EPHA5: variants seen among roughly 807,000 people sequenced by gnomAD.
EPHA5 encodes ephrin type-A receptor 5.
A neutral mutation model predicts 105.0 loss-of-function variants in EPHA5; 60 were observed. The observed-to-expected ratio is 0.57, with a 90% confidence interval of 0.46 to 0.71. The LOEUF (loss-of-function observed/expected upper bound fraction) is 0.71. EPHA5 is among the 30% of genes least tolerant of loss of function. EPHA5 has a pLI of 0.00. For missense variants in EPHA5, 1,218 were observed against 1,274.7 expected (o/e 0.96, Z 0.68); for synonymous variants, 513 against 449.1 (o/e 1.14, Z -1.80).
intron 3 of EPHA5, among the ~76,000 whole-genome samples, chr4:65,597,129 C>A (rs1341935028): frequency 6.6e-6 from 1 of 152,122 alleles, no homozygotes; most frequent in Admixed American, 6.6e-5. Flanking sequence ...TGACGTGTAA[C>A]CCTCCTTATC....
intron 8 of EPHA5, chr4:65,377,133 T>C: frequency 7.1e-7 from 1 of 1,406,850 alleles, no homozygotes; most frequent in Non-Finnish European, 9.6e-7. Context: ...ATAAAGACAC[T>C]ATGAATTTAC....
At chr4:65,576,000 G>GAC (rs565281266) in intron 3 of EPHA5, among the ~76,000 whole-genome samples, 1 of 29,732 alleles carries the variant, frequency 3.4e-5, no homozygotes, top group Non-Finnish European at 6.6e-5. Context: ...GAGAGAGAGA[G>GAC]AGAAAGAAAG....
At chr4:65,607,502 AC>A (rs1327825926) in intron 2 of EPHA5, among the ~76,000 whole-genome samples, 1 of 145,112 alleles carries the variant, frequency 6.9e-6, no homozygotes, top group Non-Finnish European at 1.5e-5. Flanking sequence ...AAAAAAAAAA[AC>A]ATCAAAAAGT....
chr4:65,373,697 A>T (rs927177876), intron 8 of EPHA5, among the ~76,000 whole-genome samples: 23 of 151,936 alleles, frequency 1.5e-4, no homozygotes, highest in Admixed American at 2.6e-4. Context: ...TTTTGAAATT[A>T]AAAAAGTCTT....
At chr4:65,324,540 T>C (rs1028651974) in intron 16 of EPHA5, among the ~76,000 whole-genome samples, 9 of 143,422 alleles carry the variant, frequency 6.3e-5, no homozygotes, top group East Asian at 2.2e-4. Context: ...TACAATTTCA[T>C]TGAAAAGTTT....
intron 3 of EPHA5, among the ~76,000 whole-genome samples, chr4:65,501,952 C>T (rs1732531624): frequency 6.6e-6 from 1 of 151,288 alleles, no homozygotes; most frequent in Admixed American, 6.6e-5. Context: ...AAACTGCACA[C>T]CTACAACCTT....
At chr4:65,391,812 C>T (rs188337263) in intron 8 of EPHA5, among the ~76,000 whole-genome samples, 16 of 152,230 alleles carry the variant, frequency 1.1e-4, no homozygotes, top group Admixed American at 1.0e-3. Context: ...TGTGGTTAGG[C>T]TTTTGACCTG....
intron 5 of EPHA5, among the ~76,000 whole-genome samples, chr4:65,488,749 T>C (rs1268497486): frequency 6.6e-6 from 1 of 152,240 alleles, no homozygotes; most frequent in African/African-American, 2.4e-5. Flanking sequence ...ATATTCAATG[T>C]GGCTAAGAAC....
intron 4 of EPHA5, among the ~76,000 whole-genome samples, chr4:65,492,099 T>A (rs1484556038): frequency 6.6e-6 from 1 of 152,166 alleles, no homozygotes; most frequent in Admixed American, 6.5e-5. Context: ...ATATCAAAAT[T>A]GACAATTTTT....
At chr4:65,431,027 A>G (rs1420738200) in intron 5 of EPHA5, among the ~76,000 whole-genome samples, 1 of 152,134 alleles carries the variant, frequency 6.6e-6, no homozygotes, top group Non-Finnish European at 1.5e-5. Context: ...TTGATCTACC[A>G]TGATGCATTT....
intron 3 of EPHA5, among the ~76,000 whole-genome samples, chr4:65,580,950 TGTA>T (rs1741558880): frequency 6.6e-6 from 1 of 151,778 alleles, no homozygotes; most frequent in African/African-American, 2.4e-5. Context: ...ATTTCGAAAA[TGTA>T]GTGTAATTCA....
chr4:65,395,320 A>G (rs1721110247), intron 8 of EPHA5, among the ~76,000 whole-genome samples: 1 of 152,220 alleles, frequency 6.6e-6, no homozygotes, highest in African/African-American at 2.4e-5. Flanking sequence ...ATTTATAGAA[A>G]GAACACTGCT....
At chr4:65,574,580 GTC>G (rs903317339) in intron 3 of EPHA5, among the ~76,000 whole-genome samples, 2 of 133,200 alleles carry the variant, frequency 1.5e-5, no homozygotes, top group Non-Finnish European at 3.2e-5. Context: ...GAATAAATAT[GTC>G]TCTCTCTATA....
intron 3 of EPHA5, 124 bp downstream of exon 3, chr4:65,601,517 G>T: frequency 2.0e-6 from 2 of 978,648 alleles, no homozygotes; most frequent in Non-Finnish European, 3.0e-6. Flanking sequence ...AATAAAACTT[G>T]AGAGAAATAA....
intron 5 of EPHA5, among the ~76,000 whole-genome samples, chr4:65,470,030 T>C (rs1208965532): frequency 2.6e-5 from 4 of 152,158 alleles, no homozygotes. Flanking sequence ...CAGAGTCTAG[T>C]TGAACCATTA....
chr4:65,595,829 C>T (rs1329568059), intron 3 of EPHA5, among the ~76,000 whole-genome samples: 1 of 152,098 alleles, frequency 6.6e-6, no homozygotes, highest in Non-Finnish European at 1.5e-5. Context: ...ATCCACCTGC[C>T]TTGGCCTCCC....
At chr4:65,486,852 T>C (rs967056006) in intron 5 of EPHA5, among the ~76,000 whole-genome samples, 3 of 152,244 alleles carry the variant, frequency 2.0e-5, no homozygotes, top group Admixed American at 6.5e-5. Context: ...TGTTTAATTG[T>C]AATTCCCAAT....
At chr4:65,644,916 C>A (rs549946182) in intron 1 of EPHA5, among the ~76,000 whole-genome samples, 1 of 152,012 alleles carries the variant, frequency 6.6e-6, no homozygotes, top group South Asian at 2.1e-4. Flanking sequence ...AGCTCATTAA[C>A]TATACAAATG....
chr4:65,589,972 T>C (rs1157720776), intron 3 of EPHA5, among the ~76,000 whole-genome samples: 1 of 152,196 alleles, frequency 6.6e-6, no homozygotes, highest in East Asian at 1.9e-4. Context: ...CCTTTCAAAA[T>C]ACTTTGAATT....
Sources: allele counts gnomAD v4.1 joint callset (sites outside exome capture counted in the v4.1 genomes callset), GRCh38; gene constraint gnomAD v4.1.1; transcripts MANE v1.5; gene names NCBI Gene and HGNC (gene_info 2026-07-23, HGNC 2026-07-21).